Variants in RNF40 observed in about 807,000 individuals in gnomAD.
The protein encoded by RNF40 is ring finger protein 40.
Under a neutral mutation model 123.3 loss-of-function variants are expected in RNF40, and 39 were observed. That is an observed-to-expected ratio of 0.32 (90% CI 0.24 to 0.41). The LOEUF is 0.41. Among genes scored for constraint, RNF40 ranks in the 10% least tolerant of loss-of-function variants. The pLI is 1.00. For missense variants in RNF40, 1,003 were observed against 1,319.9 expected (o/e 0.76, Z 3.72); for synonymous variants, 538 against 526.0 (o/e 1.02, Z -0.31).
Position 30,768,932 on chromosome 16 carries a change from G to A in RNF40, c.2192G>A (p.Arg731Gln), listed in dbSNP as rs970441209. Residue 731 changes from arginine (R) to glutamine (Q), a missense_variant, in exon 15 of 20, where the codon CGG (arginine) becomes CAG (glutamine). By Grantham distance (43) the Arg-to-Gln change is conservative. This residue lies in a region of RNF40 where 295 missense variants were observed against 331.7 expected (regional missense o/e 0.89). Coordinates refer to ENST00000324685, the MANE Select transcript of RNF40 (RefSeq NM_014771.4). This position sits in a 1 kb window ranked among gnomAD's most constrained non-coding sequence, Gnocchi z 4.1. Reference protein sequence around the residue: ...IADEDALRRIRQAEEQIEHLQ... With the variant: ...IADEDALRRIQQAEEQIEHLQ... ...GATGAGGATGCCCTGCGGCGCATTC[G>A]GCAGGCAGAGGAGCAGATAGAACAC... is the stretch of plus-strand genomic sequence containing the variant. The A allele has an allele frequency of 8.7e-6, 14 of 1,614,032 alleles. No individual in the cohort carries two copies. Among genetic ancestry groups the A allele is most frequent in the South Asian group, 2.2e-5 (2 of 91,088 alleles).
intron 7 of RNF40, 33 bp downstream of exon 7, chr16:30,765,360 G>C (rs375490720): frequency 1.1e-5 from 17 of 1,614,020 alleles, no homozygotes; most frequent in Non-Finnish European, 1.4e-5. Context: ...GGTGAGGCAA[G>C]GCTGGGCCCT....
At chr16:30,763,651 A>G (rs1391691965) in intron 4 of RNF40, 92 bp downstream of exon 4, 6 of 1,321,408 alleles carry the variant, frequency 4.5e-6, no homozygotes, top group East Asian at 2.5e-5. Flanking sequence ...TGAATTGCCT[A>G]TCTTACTACT....
intron 17 of RNF40, among the ~76,000 whole-genome samples, chr16:30,771,399 T>C (rs4889507): frequency 0.97 from 146,806 of 151,926 alleles, 71,082 homozygotes; most frequent in Middle Eastern, 1. Flanking sequence ...GGGCAGATCA[T>C]GAGGTCAGGA....
chr16:30,765,533 A>G (rs779102503), intron 8 of RNF40, 34 bp downstream of exon 8: 1 of 1,588,370 alleles, frequency 6.3e-7, no homozygotes, highest in South Asian at 1.1e-5. Context: ...CCTTCTCACA[A>G]CCTCTTCTCT....
chr16:30,770,309 G>A (rs901422393), intron 17 of RNF40, among the ~76,000 whole-genome samples: 1 of 151,522 alleles, frequency 6.6e-6, no homozygotes, highest in African/African-American at 2.4e-5. Context: ...ACAGGGTTTC[G>A]CCATGTTGAC....
chr16:30,765,075 C>T lies in RNF40; in HGVS notation c.771+16C>T. The T allele has an allele frequency of 5.0e-6, 8 of 1,613,214 alleles. No individual in the cohort carries two copies. The highest frequency in any genetic ancestry group is 6.8e-6 in the Non-Finnish European group (8 of 1,179,360). ...CTCATTGGAGGTGAGGAGCCGGGGG[C>T]TTTGGGGGTGTGATTAGAATCAGGC... On this transcript the variant is annotated intron_variant, in intron 6 of 19. Coordinates refer to ENST00000324685, the MANE Select transcript of RNF40 (RefSeq NM_014771.4).
rs1482365847 is a variant in RNF40, at chr16:30,774,324, C to T, written c.*210C>T. On this transcript the variant is annotated 3_prime_UTR_variant, in exon 20 of 20. Coordinates refer to ENST00000324685, the MANE Select transcript of RNF40 (RefSeq NM_014771.4). ...CATCTTTTCCTAAAGGTCAGAGCTGCAGCCTAGGGGGCACTGCCCTACAGA... is the reference window on the plus strand; with the variant it reads ...CATCTTTTCCTAAAGGTCAGAGCTGTAGCCTAGGGGGCACTGCCCTACAGA... The T allele has an allele frequency of 5.3e-6, 3 of 561,800 alleles. No homozygotes were observed. The highest frequency in any genetic ancestry group is 3.2e-5 in the Admixed American group (1 of 31,432). 34.8% of individuals were successfully genotyped at this position (561,800 alleles called of 1,614,324 possible). A position where few individuals can be genotyped will look rare whatever the true frequency, so the allele number is the denominator to read the frequency against.
At chr16:30,765,865 G>A (rs2054020309) in intron 8 of RNF40, among the ~76,000 whole-genome samples, 1 of 152,226 alleles carries the variant, frequency 6.6e-6, no homozygotes, top group East Asian at 1.9e-4. Context: ...GTGAGTTGGA[G>A]TCAGTTGGCA....
chr16:30,769,040 C>T, intron 15 of RNF40, 53 bp downstream of exon 15: 1 of 1,610,318 alleles, frequency 6.2e-7, no homozygotes, highest in Non-Finnish European at 8.5e-7. Flanking sequence ...CCCTTCATAC[C>T]CTGTTTGGTG....
At position 30,763,222 on chromosome 16, in the gene RNF40, G is replaced by A. The variant is rs1334525474; in HGVS notation, c.237G>A (p.Lys79=). Reference sequence around the variant, plus strand: ...ATGAACTCCGAGAACGAATTGAGAAGTTGGAGAAGCGGCAGGCCACAGATG... The same window carrying A: ...ATGAACTCCGAGAACGAATTGAGAAATTGGAGAAGCGGCAGGCCACAGATG... ...CEDELRERIE[K]LEKRQATDDA... The change falls in exon 3 of 20, where the codon AAG becomes AAA. Residue 79 remains lysine (K), a synonymous_variant. Transcript: ENST00000324685. 2 of 1,614,140 alleles carry A rather than the reference G, an allele frequency of 1.2e-6. No homozygotes were observed. The highest frequency in any genetic ancestry group is 1.3e-5 in the African/African-American group (1 of 75,054).
chr16:30,776,218 T>G lies in RNF40; in HGVS notation c.*2104T>G, dbSNP rs775944605. The G allele has an allele frequency of 6.6e-6, 1 of 152,174 alleles. No homozygotes were observed. The highest frequency in any genetic ancestry group is 1.9e-4 in the East Asian group (1 of 5,170). 9.4% of individuals were successfully genotyped at this position (152,174 alleles called of 1,614,324 possible). On this transcript the variant is annotated 3_prime_UTR_variant, in exon 20 of 20. Transcript: ENST00000324685. ...TAATTCCGCATCGTCTCTCTAGATA[T>G]CTGCGCTAAAGGCCACCCGGTCTCC...
intron 19 of RNF40, 45 bp downstream of exon 19, chr16:30,772,235 A>G (rs1428007042): frequency 6.9e-7 from 1 of 1,453,714 alleles, no homozygotes; most frequent in Admixed American, 2.0e-5. Flanking sequence ...TGAGAATTGT[A>G]GATGCAGGAT....
Position 30,769,547 on chromosome 16 carries a change from G to A in RNF40, c.2533G>A (p.Val845Met), listed in dbSNP as rs767158588. Residue 845 changes from valine to methionine, a missense_variant, in exon 17 of 20, where the codon GTG (valine) becomes ATG (methionine). Coordinates refer to ENST00000324685, the MANE Select transcript of RNF40 (RefSeq NM_014771.4). ...ERALQGSLGG[V>M]EKELTLRSQA... ...AGCCTTGCAGGGCAGCCTCGGGGGTGTGGAGAAGGAGCTGACGCTGCGCAG... is the reference window on the plus strand; with the variant it reads ...AGCCTTGCAGGGCAGCCTCGGGGGTATGGAGAAGGAGCTGACGCTGCGCAG... 134 of 1,612,110 alleles carry A rather than the reference G, an allele frequency of 8.3e-5. No individual in the cohort carries two copies. The highest frequency in any genetic ancestry group is 1.1e-4 in the Non-Finnish European group (131 of 1,179,144).
chr16:30,772,838 G>A (rs1180812012), intron 19 of RNF40, among the ~76,000 whole-genome samples: 1 of 152,196 alleles, frequency 6.6e-6, no homozygotes, highest in Non-Finnish European at 1.5e-5. Flanking sequence ...GAGGTAGACT[G>A]GAGGCAGGGA....
intron 8 of RNF40, 103 bp downstream of exon 8, chr16:30,765,602 C>T: frequency 2.0e-6 from 2 of 978,944 alleles, no homozygotes; most frequent in Non-Finnish European, 3.1e-6. Context: ...TGAGGCCCTT[C>T]CTGGTCACTC....
In RNF40 at chr16:30,768,218, G is replaced by A; in HGVS notation, c.1667G>A (p.Ser556Asn). 2 of 1,613,760 alleles carry A rather than the reference G, an allele frequency of 1.2e-6. No individual in the cohort carries two copies. Among genetic ancestry groups the A allele is most frequent in the Non-Finnish European group, 1.7e-6 (2 of 1,179,996 alleles). ...GAGGAGGGTGGGCCAGGCCCTGTCA[G>A]TACCCCCGACAACAGAAAGGAGATG... ...GKEEGGPGPV[S>N]TPDNRKEMAP... The change falls in exon 13 of 20, where the codon AGT (serine) becomes AAT (asparagine). Residue 556 changes from serine to asparagine, a missense_variant. By Grantham distance (46) the Ser-to-Asn change is conservative. Coordinates refer to ENST00000324685, the MANE Select transcript of RNF40 (RefSeq NM_014771.4). This position sits in a 1 kb window ranked among gnomAD's most constrained non-coding sequence, Gnocchi z 4.1.
rs144385617 is a variant in RNF40 at position 30,776,305 on chromosome 16, C to T, written c.*2191C>T. The T allele has an allele frequency of 1.4e-4, 21 of 151,934 alleles. No individual in the cohort carries two copies. Among genetic ancestry groups the T allele is most frequent in the African/African-American group, 4.6e-4 (19 of 41,372 alleles). 9.4% of individuals were successfully genotyped at this position (151,934 alleles called of 1,614,324 possible). ...TACCTAATAAAAGTCGGCATCAAAC[C>T]ACTTTTTCAAGGTCAAGTCCAAGGG... On this transcript the variant is annotated 3_prime_UTR_variant, in exon 20 of 20. Coordinates refer to ENST00000324685, the MANE Select transcript of RNF40 (RefSeq NM_014771.4).
Position 30,774,818 on chromosome 16 carries a change from C to T in RNF40, c.*704C>T, listed in dbSNP as rs1213644198. Reference sequence around the variant, plus strand: ...AGGCCCCTTCCCAATCTCCATTTCTCTGCCAAGCCCATTTACCCCCACCTC... The same window carrying T: ...AGGCCCCTTCCCAATCTCCATTTCTTTGCCAAGCCCATTTACCCCCACCTC... On this transcript the variant is annotated 3_prime_UTR_variant, in exon 20 of 20. Transcript: ENST00000324685. 1.4e-5 allele frequency: 5 copies of T among 369,666 alleles called. No individual in the cohort carries two copies. The highest frequency in any genetic ancestry group is 4.0e-5 in the South Asian group (2 of 49,472). The allele number at this position is 369,666 out of a possible 1,614,324, so 22.9% of individuals were successfully genotyped here.
Position 30,764,370 on chromosome 16 carries a change from C to T in RNF40, c.634C>T (p.Arg212Ter). 6.2e-7 allele frequency: 1 copy of T among 1,613,038 alleles called. No individual in the cohort carries two copies. The highest frequency in any genetic ancestry group is 8.5e-7 in the Non-Finnish European group (1 of 1,179,874). The change falls in exon 5 of 20, where the codon CGA becomes TGA. Residue 212 changes from arginine to a stop codon, truncating the protein, a stop_gained. Coordinates refer to ENST00000324685, the MANE Select transcript of RNF40 (RefSeq NM_014771.4). LOFTEE classifies it high-confidence loss of function. The part of the protein sequence containing the change: ...LQRRVEELCQ[R>*]VYSRGDSEPL... ...GCGCCGGGTGGAGGAACTCTGTCAG[C>T]GAGTGTACAGCCGAGGTGGGTTCTT...
Sources: allele counts gnomAD v4.1 joint callset (sites outside exome capture counted in the v4.1 genomes callset), GRCh38; gene constraint gnomAD v4.1.1; regional missense constraint gnomAD v4.1.1; non-coding constraint Gnocchi (gnomAD v3.1); transcripts MANE v1.5; gene names NCBI Gene and HGNC (gene_info 2026-07-23, HGNC 2026-07-21).